Variants in SKA1 observed in about 807,000 individuals in gnomAD.
SKA1 encodes SKA complex subunit 1.
In SKA1, 20 loss-of-function variants were observed where a neutral mutation model predicts 31.8. That is an observed-to-expected ratio of 0.63 (90% confidence interval 0.44 to 0.91). The LOEUF (loss-of-function observed/expected upper bound fraction) is 0.91, where lower values mean the gene tolerates loss of function less well. SKA1 is among the 40% of genes least tolerant of loss of function. SKA1 has a pLI of 0.00. For missense variants in SKA1, 253 were observed against 298.2 expected, an observed-to-expected ratio of 0.85 and a Z score of 1.12; for synonymous variants, 88 against 100.5, an observed-to-expected ratio of 0.88 and a Z score of 0.74.
At chr18:50,381,209 G>A (rs1281978968) in intron 3 of SKA1, among the ~76,000 whole-genome samples, 1 of 152,230 alleles carries the variant, frequency 6.6e-6, no homozygotes, top group African/African-American at 2.4e-5. Context: ...GGAGCCAGAT[G>A]GCGGGAATCC....
rs2041268609 is a variant in SKA1, at chr18:50,382,139, A to T, written c.224A>T (p.Glu75Val). The T allele has an allele frequency of 4.6e-6, 7 of 1,532,244 alleles. No individual in the cohort carries two copies. The highest frequency in any genetic ancestry group is 6.1e-6 in the Non-Finnish European group (7 of 1,145,836). 94.9% of individuals were successfully genotyped at this position (1,532,244 alleles called of 1,614,324 possible). ...ACTTTTAAATTTTAGGAACTCTGTG[A>T]ATCTCTTGAAGAAGATTACAAAGAC... Reference protein sequence around the residue: ...QTNNSLKELCESLEEDYKDIE... With the variant: ...QTNNSLKELCVSLEEDYKDIE... Residue 75 changes from glutamate to valine, a missense_variant, in exon 4 of 7, where the codon GAA becomes GTA. Transcript: ENST00000285116.
At chr18:50,391,577 G>A (rs1363947320) in intron 6 of SKA1, among the ~76,000 whole-genome samples, 1 of 152,208 alleles carries the variant, frequency 6.6e-6, no homozygotes, top group Non-Finnish European at 1.5e-5. Flanking sequence ...AGTGTCTGTA[G>A]TGCTGAGCCT....
intron 5 of SKA1, among the ~76,000 whole-genome samples, chr18:50,386,315 C>G (rs893053549): frequency 6.6e-6 from 1 of 152,060 alleles, no homozygotes; most frequent in Admixed American, 6.6e-5. Context: ...TTGGGATAGT[C>G]TTAGGAGGAG....
chr18:50,390,999 A>G lies in SKA1; in HGVS notation c.450-125A>G. On this transcript the variant is annotated intron_variant, in intron 5 of 6. Transcript: ENST00000285116. ...TGGTTTATTTGGAAGTTGATATAAGATTGTTTTTATAAAGGGTACTGTAGT... is the reference window on the plus strand; with the variant it reads ...TGGTTTATTTGGAAGTTGATATAAGGTTGTTTTTATAAAGGGTACTGTAGT... 4 of 593,190 alleles carry G rather than the reference A, an allele frequency of 6.7e-6. No individual in the cohort carries two copies. The South Asian group carries it at 1.1e-4, about 17-fold the overall frequency. The allele number at this position is 593,190 out of a possible 1,614,324, so 36.7% of individuals were successfully genotyped here.
In SKA1 at chr18:50,378,988, C is replaced by T. The variant is rs570190375; in HGVS notation, c.89-1138C>T. Among the ~76,000 whole-genome samples, 10 of 152,262 alleles carry T rather than the reference C, an allele frequency of 6.6e-5. No individual in the cohort carries two copies. In the East Asian group the frequency reaches 1.4e-3, roughly 21 times the overall value. On this transcript the variant is annotated intron_variant, in intron 2 of 6. Transcript: ENST00000285116. ...TCTTATATGTACTTTCACCTATCTT[C>T]ACAGTAATGAGGTAGGTACTTGGTG... is the stretch of plus-strand genomic sequence containing the variant.
chr18:50,380,183 T>A lies in SKA1; in HGVS notation c.146T>A (p.Ile49Lys). The change falls in exon 3 of 7, where the codon ATA becomes AAA. Residue 49 changes from isoleucine (I) to lysine (K), a missense_variant. Transcript: ENST00000285116. ...LNKIGDEIIVINELLNKLELE... is the reference protein window; with the variant it reads ...LNKIGDEIIVKNELLNKLELE... ...AAAATAGGAGATGAGATCATTGTAA[T>A]AAATGAACTTCTAAATAAATTGGAA... 6.4e-7 allele frequency: 1 copy of A among 1,560,070 alleles called. No homozygotes were observed. Among genetic ancestry groups the A allele is most frequent in the Non-Finnish European group, 8.6e-7 (1 of 1,159,922 alleles).
At chr18:50,387,483 A>G (rs1206332758) in intron 5 of SKA1, among the ~76,000 whole-genome samples, 3 of 152,086 alleles carry the variant, frequency 2.0e-5, no homozygotes, top group Non-Finnish European at 4.4e-5. Context: ...CCTCTCCTCT[A>G]GTAGTCTCAT....
chr18:50,388,137 G>C (rs1157396228), intron 5 of SKA1, among the ~76,000 whole-genome samples: 2 of 152,132 alleles, frequency 1.3e-5, no homozygotes, highest in African/African-American at 4.8e-5. Context: ...GCCCAGGCTG[G>C]AGTGCATTGG....
rs78545242 is a variant in SKA1, at chr18:50,385,224, G to T, written c.320G>T (p.Gly107Val). The change falls in exon 5 of 7, where the codon GGA becomes GTA. Residue 107 changes from glycine (G) to valine (V), a missense_variant. Coordinates refer to ENST00000285116, the MANE Select transcript of SKA1 (RefSeq NM_145060.4). Reference protein sequence around the residue: ...QVTVTQSCVKGSDLDPEEPIK... With the variant: ...QVTVTQSCVKVSDLDPEEPIK... ...ACATCTGTATTCTGTAGTGTTAAGG[G>T]ATCAGATCTTGATCCTGAAGAACCA... 11,475 of 1,612,464 alleles carry T rather than the reference G, an allele frequency of 7.1e-3. 392 individuals carry two copies. The East Asian group carries it at 0.1, about 15-fold the overall frequency.
rs146508826 is a variant in SKA1 at position 50,384,002 on chromosome 18, C to G, written c.312-1214C>G. Among the ~76,000 whole-genome samples, 521 of 152,334 alleles carry G rather than the reference C, an allele frequency of 3.4e-3. 8 individuals carry two copies. The highest frequency in any genetic ancestry group is 0.012 in the African/African-American group (493 of 41,576). On this transcript the variant is annotated intron_variant, in intron 4 of 6. Coordinates refer to ENST00000285116, the MANE Select transcript of SKA1 (RefSeq NM_145060.4). ...TGGCATTTGACTGTCATCTTGGGATCTTGCTTCCTGCCTTTCTGGGGATTC... is the reference window on the plus strand; with the variant it reads ...TGGCATTTGACTGTCATCTTGGGATGTTGCTTCCTGCCTTTCTGGGGATTC...
In SKA1 at chr18:50,392,339, T is replaced by A; in HGVS notation, c.*92T>A. 3 of 853,920 alleles carry A rather than the reference T, an allele frequency of 3.5e-6. No individual in the cohort carries two copies. The highest frequency in any genetic ancestry group is 4.7e-6 in the Non-Finnish European group (3 of 635,752). 52.9% of individuals were successfully genotyped at this position (853,920 alleles called of 1,614,324 possible). Reference sequence around the variant, plus strand: ...TATATATAATTTTTTTAACTTTTAATCTTTTTTGTTTCCTTTTTTTTTTTT... The same window carrying A: ...TATATATAATTTTTTTAACTTTTAAACTTTTTTGTTTCCTTTTTTTTTTTT... On this transcript the variant is annotated 3_prime_UTR_variant, in exon 7 of 7. Coordinates refer to ENST00000285116, the MANE Select transcript of SKA1 (RefSeq NM_145060.4).
Position 50,385,252 on chromosome 18 carries a change from C to T in SKA1, c.348C>T (p.Ile116=). 1 of 1,613,536 alleles carries T rather than the reference C, an allele frequency of 6.2e-7. No homozygotes were observed. Among genetic ancestry groups the T allele is most frequent in the Non-Finnish European group, 8.5e-7 (1 of 1,179,734 alleles). Residue 116 remains isoleucine, a synonymous_variant, in exon 5 of 7, where the codon ATC becomes ATT. Transcript: ENST00000285116. ...CAGATCTTGATCCTGAAGAACCAAT[C>T]AAAGTTGAAGAACCTGAACCCGTAA... ...KGSDLDPEEP[I]KVEEPEPVKK...
chr18:50,382,136 G>C lies in SKA1; in HGVS notation c.221G>C (p.Cys74Ser). 1 of 1,529,138 alleles carries C rather than the reference G, an allele frequency of 6.5e-7. No individual in the cohort carries two copies. The highest frequency in any genetic ancestry group is 1.7e-4 in the Middle Eastern group (1 of 5,872). The allele number at this position is 1,529,138 out of a possible 1,614,324, so 94.7% of individuals were successfully genotyped here. A position where few individuals can be genotyped will look rare whatever the true frequency, so the allele number is the denominator to read the frequency against. Residue 74 changes from cysteine to serine, a missense_variant, in exon 4 of 7, where the codon TGT becomes TCT. By Grantham distance (112) the Cys-to-Ser change is moderately radical. Transcript: ENST00000285116. ...EQTNNSLKEL[C>S]ESLEEDYKDI... is the part of the protein sequence containing the mutation. ...AGCACTTTTAAATTTTAGGAACTCT[G>C]TGAATCTCTTGAAGAAGATTACAAA...
chr18:50,383,015 CAG>C, intron 4 of SKA1, among the ~76,000 whole-genome samples: 1 of 151,794 alleles, frequency 6.6e-6, no homozygotes, highest in East Asian at 1.9e-4. Flanking sequence ...GGCTGGGCGA[CAG>C]AGTAAGACCC....
At chr18:50,384,891 GGA>G (rs1568329812) in intron 4 of SKA1, among the ~76,000 whole-genome samples, 6 of 107,476 alleles carry the variant, frequency 5.6e-5, no homozygotes, top group Non-Finnish European at 1.2e-4. Flanking sequence ...AAAAAAAAAA[GGA>G]AAAAAAAAAA....
Position 50,391,203 on chromosome 18 carries a change from A to G in SKA1, c.529A>G (p.Lys177Glu). Residue 177 changes from lysine (K) to glutamate (E), a missense_variant, in exon 6 of 7, where the codon AAA (lysine) becomes GAA (glutamate). Lys to Glu is a moderately conservative substitution (Grantham distance 56). Transcript: ENST00000285116. Reference sequence around the variant, plus strand: ...CAACAAGGCAGTAATTAGTAAATATAAAATCCTACATCAGCCAAAAAAGTC... The same window carrying G: ...CAACAAGGCAGTAATTAGTAAATATGAAATCCTACATCAGCCAAAAAAGTC... The part of the protein sequence containing the change: ...EINKAVISKY[K>E]ILHQPKKSMN... 6.2e-7 allele frequency: 1 copy of G among 1,606,068 alleles called. No homozygotes were observed. Among genetic ancestry groups the G allele is most frequent in the Non-Finnish European group, 8.5e-7 (1 of 1,177,232 alleles).
At chr18:50,386,257 C>T (rs1376400288) in intron 5 of SKA1, among the ~76,000 whole-genome samples, 2 of 152,098 alleles carry the variant, frequency 1.3e-5, no homozygotes, top group Non-Finnish European at 2.9e-5. Context: ...AATAATGGTA[C>T]AATGAAATAT....
chr18:50,376,718 T>G (rs1332164982), intron 2 of SKA1, among the ~76,000 whole-genome samples: 1 of 152,262 alleles, frequency 6.6e-6, no homozygotes, highest in East Asian at 1.9e-4. Flanking sequence ...CTTCTTAGTT[T>G]GGCTTAGCTT....
intron 4 of SKA1, among the ~76,000 whole-genome samples, chr18:50,384,359 G>A (rs970738110): frequency 2.6e-5 from 4 of 152,032 alleles, no homozygotes; most frequent in African/African-American, 9.7e-5. Context: ...TTGACTTGCT[G>A]CTGGCAACAT....
Sources: allele counts gnomAD v4.1 joint callset (sites outside exome capture counted in the v4.1 genomes callset), GRCh38; gene constraint gnomAD v4.1.1; transcripts MANE v1.5; gene names NCBI Gene and HGNC (gene_info 2026-07-23, HGNC 2026-07-21).